The following CDH3 variants were observed in gnomAD, a reference collection of about 807,000 sequenced individuals.
CDH3 encodes the protein cadherin 3, also known as cadherin-3.
Under a neutral mutation model 82.0 loss-of-function variants are expected in CDH3, and 54 were observed. The ratio of observed to expected loss-of-function variants is 0.66; its 90% CI spans 0.53 to 0.83. The LOEUF is 0.83. Among genes scored for constraint, CDH3 ranks in the 40% least tolerant of loss-of-function variants. The probability of loss-of-function intolerance (pLI) is 0.00; values close to 1 mark genes in which losing one functional copy is unlikely to be tolerated. For missense variants in CDH3, 1,054 were observed against 1,084.6 expected (o/e 0.97, Z 0.40); for synonymous variants, 446 against 437.9 (o/e 1.02, Z -0.23).
chr16:68,718,938 C>T (rs1172300216), intron 1 of CDH3, among the ~76,000 whole-genome samples: 2 of 152,120 alleles, frequency 1.3e-5, no homozygotes, highest in South Asian at 2.1e-4. Context: ...TAATGGAAGA[C>T]TATTAAGAAA....
chr16:68,725,751 G>C (rs1354277931), intron 2 of CDH3, among the ~76,000 whole-genome samples: 1 of 152,036 alleles, frequency 6.6e-6, no homozygotes, highest in East Asian at 1.9e-4. Flanking sequence ...CTTATTACTA[G>C]CAGGTAGAAA....
At chr16:68,646,728 T>C (rs1283003696) in intron 2 of CDH3, among the ~76,000 whole-genome samples, 1 of 152,150 alleles carries the variant, frequency 6.6e-6, no homozygotes, top group Non-Finnish European at 1.5e-5. Context: ...AGAGGATCCT[T>C]ACACTGAAAT....
chr16:68,657,845 T>G (rs1376750173), intron 2 of CDH3, among the ~76,000 whole-genome samples: 1 of 152,138 alleles, frequency 6.6e-6, no homozygotes, highest in East Asian at 1.9e-4. Context: ...GGAAGTTACC[T>G]ATTAGCAAGA....
Position 68,645,432 on chromosome 16 carries a change from A to C in CDH3, c.45+8A>C, listed in dbSNP as rs376257717. 2.0e-5 allele frequency: 32 copies of C among 1,612,830 alleles called. No individual in the cohort carries two copies. The African/African-American group carries it at 2.9e-4, about 15-fold the overall frequency. ...TCTCTCCTCCTTCTCCAGGTACTCC[A>C]CAGCCTCGCCGTGGCCCCGACCGGG... On this transcript the variant is annotated splice_region_variant and intron_variant, in intron 1 of 15. Transcript: ENST00000264012.
downstream of CDH3, among the ~76,000 whole-genome samples, chr16:68,702,996 C>A (rs1213889945): frequency 6.6e-6 from 1 of 152,188 alleles, no homozygotes; most frequent in Admixed American, 6.5e-5. Context: ...GTGCCCCAAT[C>A]CCTCCCTGAC....
At chr16:68,724,469 T>A (rs1008070619) in intron 2 of CDH3, among the ~76,000 whole-genome samples, 2 of 151,084 alleles carry the variant, frequency 1.3e-5, no homozygotes, top group African/African-American at 4.9e-5. Flanking sequence ...AAATAAAAAA[T>A]TAAAAACTTA....
At chr16:68,728,618 G>A (rs1369412891), downstream of CDH3, among the ~76,000 whole-genome samples, 3 of 152,282 alleles carry the variant, frequency 2.0e-5, no homozygotes, top group Middle Eastern at 6.8e-3. Context: ...CTTAAAGGCA[G>A]GGACCGTATT....
At chr16:68,718,311 T>C (rs754618110) in intron 1 of CDH3, among the ~76,000 whole-genome samples, 8 of 152,124 alleles carry the variant, frequency 5.3e-5, no homozygotes, top group Non-Finnish European at 7.3e-5. Flanking sequence ...CTAAACTTTT[T>C]TTGTGTGTTA....
At chr16:68,679,428 C>G (rs963902896) in intron 6 of CDH3, among the ~76,000 whole-genome samples, 13 of 152,040 alleles carry the variant, frequency 8.6e-5, no homozygotes, top group African/African-American at 3.1e-4. Context: ...GCGCGGTGGC[C>G]CACGCCTGGA....
At chr16:68,715,741 G>A (rs1262944888) in intron 1 of CDH3, among the ~76,000 whole-genome samples, 2 of 152,222 alleles carry the variant, frequency 1.3e-5, no homozygotes, top group Non-Finnish European at 2.9e-5. Context: ...CTTTGCTGAT[G>A]AATAGCCTCT....
chr16:68,700,778 C>T (rs530511743), downstream of CDH3, among the ~76,000 whole-genome samples: 87 of 152,284 alleles, frequency 5.7e-4, no homozygotes, highest in African/African-American at 1.9e-3. Context: ...CTCATGAATC[C>T]GGGAGGTGGA....
chr16:68,672,076 C>T (rs1239114994), intron 2 of CDH3, among the ~76,000 whole-genome samples: 2 of 151,836 alleles, frequency 1.3e-5, no homozygotes, highest in Non-Finnish European at 2.9e-5. Flanking sequence ...CCTGTAGTCC[C>T]AGCTACTCGG....
At chr16:68,719,258 A>AG (rs1385063655) in intron 1 of CDH3, among the ~76,000 whole-genome samples, 1 of 151,590 alleles carries the variant, frequency 6.6e-6, no homozygotes, top group Admixed American at 6.6e-5. Context: ...AAAAAAGAAA[A>AG]AAAAAAAAGA....
At chr16:68,704,211 C>T (rs890922644), downstream of CDH3, among the ~76,000 whole-genome samples, 25 of 146,746 alleles carry the variant, frequency 1.7e-4, no homozygotes, top group Admixed American at 8.2e-4. Context: ...GGCGTGAACC[C>T]GGGAGGCAGA....
At chr16:68,701,072 A>G (rs2152108740), downstream of CDH3, among the ~76,000 whole-genome samples, 1 of 152,256 alleles carries the variant, frequency 6.6e-6, no homozygotes, top group South Asian at 2.1e-4. Context: ...AGAAGCCTGG[A>G]TAAATCAGAA....
downstream of CDH3, among the ~76,000 whole-genome samples, chr16:68,700,697 C>T (rs1419159827): frequency 2.0e-5 from 3 of 152,160 alleles, no homozygotes; most frequent in Non-Finnish European, 4.4e-5. Context: ...CATTTTTGTA[C>T]TAAAAATACA....
At position 68,645,345 on chromosome 16, in the gene CDH3, G is replaced by A. The variant is rs1007575884; in HGVS notation, c.-35G>A. On this transcript the variant is annotated 5_prime_UTR_variant, in exon 1 of 16. Coordinates refer to ENST00000264012, the MANE Select transcript of CDH3 (RefSeq NM_001793.6). ...GAGCTGAGCGGAACACCGGCCCGCC[G>A]TCGCGGCAGCTGCTTCACCCCTCTC... The A allele has an allele frequency of 2.1e-5, 34 of 1,609,560 alleles. No individual in the cohort carries two copies. The highest frequency in any genetic ancestry group is 2.8e-5 in the Non-Finnish European group (33 of 1,177,844).
downstream of CDH3, among the ~76,000 whole-genome samples, chr16:68,731,130 T>TTATA (rs542370344): frequency 6.1e-4 from 70 of 114,216 alleles, no homozygotes; most frequent in African/African-American, 2.4e-3. Context: ...TAAAAAATAA[T>TTATA]TATATATATA....
Position 68,687,496 on chromosome 16 carries a change from G to C in CDH3, c.1571-16G>C, listed in dbSNP as rs749801033. 18 of 1,607,920 alleles carry C rather than the reference G, an allele frequency of 1.1e-5. No individual in the cohort carries two copies. Among genetic ancestry groups the C allele is most frequent in the African/African-American group, 2.7e-5 (2 of 74,818 alleles). On this transcript the variant is annotated splice_polypyrimidine_tract_variant and intron_variant, in intron 11 of 15. Transcript: ENST00000264012. Reference sequence around the variant, plus strand: ...GTGGGTCACAGGGAGCTCATCATATGTGTCATTACAAACAGGAAGCCCTCC... The same window carrying C: ...GTGGGTCACAGGGAGCTCATCATATCTGTCATTACAAACAGGAAGCCCTCC...
Sources: allele counts gnomAD v4.1 joint callset (sites outside exome capture counted in the v4.1 genomes callset), GRCh38; gene constraint gnomAD v4.1.1; transcripts MANE v1.5; gene names NCBI Gene and HGNC (gene_info 2026-07-23, HGNC 2026-07-21).